Variants in SYNPO2 observed in about 807,000 individuals in gnomAD.
SYNPO2 encodes the protein synaptopodin-2.
In SYNPO2, 56 loss-of-function variants were observed where a neutral mutation model predicts 85.0. That is an observed-to-expected ratio of 0.66 (90% confidence interval 0.53 to 0.82). The LOEUF is 0.82. Ranked by LOEUF, SYNPO2 falls within the 40% of genes least tolerant of loss-of-function variation. The pLI is 0.00. For missense variants in SYNPO2, 1,575 were observed against 1,534.2 expected (o/e 1.03, Z -0.44); for synonymous variants, 602 against 591.1 (o/e 1.02, Z -0.27).
At chr4:118,973,642 G>A (rs12642839) in intron 1 of SYNPO2, among the ~76,000 whole-genome samples, 41,590 of 151,880 alleles carry the variant, frequency 0.27, 6,262 homozygotes, top group East Asian at 0.44. Context: ...TACTGAACTC[G>A]GAATACTGTT....
intron 1 of SYNPO2, among the ~76,000 whole-genome samples, chr4:119,022,512 G>GT (rs778146297): frequency 0.3 from 26,278 of 86,792 alleles, 7,303 homozygotes; most frequent in Non-Finnish European, 0.41. Context: ...TTTTTTGTAG[G>GT]TTTTTTTTTT....
At chr4:118,933,831 T>TG (rs1249886570) in intron 1 of SYNPO2, among the ~76,000 whole-genome samples, 7 of 136,590 alleles carry the variant, frequency 5.1e-5, no homozygotes, top group African/African-American at 2.2e-4. Context: ...TTGTTGTTGT[T>TG]TTTTTTTTTT....
chr4:119,049,104 A>C (rs893960909), intron 4 of SYNPO2, among the ~76,000 whole-genome samples: 1 of 152,174 alleles, frequency 6.6e-6, no homozygotes, highest in African/African-American at 2.4e-5. Context: ...CAGATAGTGG[A>C]TGTATTTTGA....
intron 4 of SYNPO2, among the ~76,000 whole-genome samples, chr4:119,044,921 A>G (rs1318812038): frequency 6.6e-6 from 1 of 152,222 alleles, no homozygotes; most frequent in Non-Finnish European, 1.5e-5. Context: ...CGTCATTGCC[A>G]TTAACTCGCT....
chr4:118,876,283 C>A (rs1436585637), intron 1 of SYNPO2, among the ~76,000 whole-genome samples: 2 of 152,168 alleles, frequency 1.3e-5, no homozygotes, highest in Non-Finnish European at 2.9e-5. Context: ...CCCTGCCTCC[C>A]ACTCTTCCTG....
At chr4:118,988,547 A>G (rs183284362) in intron 1 of SYNPO2, among the ~76,000 whole-genome samples, 24 of 152,338 alleles carry the variant, frequency 1.6e-4, no homozygotes, top group Admixed American at 1.3e-3. Context: ...TGGAAAGTAC[A>G]TCCAGCATTT....
chr4:118,980,114 CATATT>C, intron 1 of SYNPO2, among the ~76,000 whole-genome samples: 1 of 129,700 alleles, frequency 7.7e-6, no homozygotes, highest in East Asian at 2.6e-4. Context: ...GAAAATAAAT[CATATT>C]AGTTTAATGA....
At chr4:119,043,294 T>C (rs1738773554) in intron 4 of SYNPO2, 1 of 152,244 alleles carries the variant, frequency 6.6e-6, no homozygotes, top group Admixed American at 6.5e-5. Context: ...CTATCCATTT[T>C]AGTCTCCCCA....
chr4:119,004,472 C>T (rs1004089998), intron 1 of SYNPO2, among the ~76,000 whole-genome samples: 8 of 147,834 alleles, frequency 5.4e-5, no homozygotes, highest in East Asian at 2.0e-4. Context: ...TGAGAACATG[C>T]GGTGTTTGGT....
chr4:118,930,035 G>A (rs919621186), intron 1 of SYNPO2, among the ~76,000 whole-genome samples: 4 of 152,062 alleles, frequency 2.6e-5, no homozygotes, highest in Non-Finnish European at 5.9e-5. Context: ...AGAACTCTAA[G>A]AATTTGCAGA....
intron 1 of SYNPO2, among the ~76,000 whole-genome samples, chr4:118,899,911 G>A (rs1241189084): frequency 2.6e-5 from 4 of 152,036 alleles, no homozygotes; most frequent in Admixed American, 2.6e-4. Flanking sequence ...ACAGGCACCT[G>A]CCACCATCCC....
intron 1 of SYNPO2, among the ~76,000 whole-genome samples, chr4:118,865,225 TGGAACTCACTGCG>T (rs1215683638): frequency 6.6e-6 from 1 of 152,196 alleles, no homozygotes; most frequent in Non-Finnish European, 1.5e-5. Context: ...CAGCTGCCAC[TGGAACTCACTGCG>T]GTAGGAACTG....
chr4:118,876,234 G>A (rs934549176), intron 1 of SYNPO2, among the ~76,000 whole-genome samples: 2 of 152,124 alleles, frequency 1.3e-5, no homozygotes, highest in Non-Finnish European at 2.9e-5. Context: ...AATTGCACTA[G>A]TCTTCATCTG....
intron 1 of SYNPO2, among the ~76,000 whole-genome samples, chr4:118,881,848 G>A (rs972012991): frequency 6.6e-6 from 1 of 152,194 alleles, no homozygotes; most frequent in Non-Finnish European, 1.5e-5. Flanking sequence ...ATGGAGGTGC[G>A]CATGTTTCAT....
intron 1 of SYNPO2, among the ~76,000 whole-genome samples, chr4:118,976,430 T>C (rs1735740827): frequency 6.6e-6 from 1 of 152,124 alleles, no homozygotes; most frequent in Admixed American, 6.5e-5. Context: ...TATTGCAAAG[T>C]GCAAAAGAAC....
chr4:119,034,260 C>A, intron 4 of SYNPO2: 2 of 985,362 alleles, frequency 2.0e-6, no homozygotes, highest in South Asian at 4.7e-5. Context: ...ATTTAAAGAG[C>A]GGCATGAATT....
At chr4:118,893,080 C>T (rs866618709) in intron 1 of SYNPO2, among the ~76,000 whole-genome samples, 10 of 152,064 alleles carry the variant, frequency 6.6e-5, no homozygotes, top group African/African-American at 2.4e-4. Context: ...AATAAATGCT[C>T]CTTCCTATAT....
At chr4:119,041,461 G>T (rs1738713513) in intron 4 of SYNPO2, among the ~76,000 whole-genome samples, 1 of 151,950 alleles carries the variant, frequency 6.6e-6, no homozygotes, top group African/African-American at 2.4e-5. Flanking sequence ...TCCACAATTA[G>T]ATCTTTGGTT....
intron 1 of SYNPO2, among the ~76,000 whole-genome samples, chr4:118,929,592 C>T (rs753454220): frequency 1.6e-4 from 25 of 152,114 alleles, no homozygotes; most frequent in Admixed American, 2.6e-4. Context: ...CCGCCCCTCA[C>T]TTTAGCCAAA....
Sources: gnomAD v4.1 joint callset for allele counts (sites outside exome capture counted in the v4.1 genomes callset) on GRCh38, gnomAD v4.1.1 for gene constraint, MANE v1.5 for transcripts, NCBI Gene and HGNC (gene_info 2026-07-23, HGNC 2026-07-21) for gene names.